NPIPA5: variants seen among roughly 807,000 people sequenced by gnomAD.
The protein encoded by NPIPA5 is nuclear pore complex-interacting protein family member A5.
NPIPA5 carries 6 observed loss-of-function variants against 21.4 expected under a neutral mutation model. The observed-to-expected ratio is 0.28, with a 90% CI of 0.15 to 0.55. The LOEUF is 0.55. NPIPA5 is among the 20% of genes least tolerant of loss of function. NPIPA5 has a pLI of 0.93. For synonymous variants in NPIPA5, 33 were observed against 115.3 expected (o/e 0.29, Z 4.57); for missense variants, 99 against 318.2 (o/e 0.31, Z 5.24).
intron 2 of NPIPA5, among the ~76,000 whole-genome samples, chr16:15,372,502 A>G (rs1184994805): frequency 6.8e-6 from 1 of 146,260 alleles, no homozygotes; most frequent in Admixed American, 7.2e-5. Context: ...GAAAAGAAAA[A>G]AAAAAAAAGC....
chr16:15,372,210 ACGTGGT>A (rs2050174528), intron 2 of NPIPA5, among the ~76,000 whole-genome samples: 1 of 147,276 alleles, frequency 6.8e-6, no homozygotes, highest in South Asian at 2.2e-4. Flanking sequence ...CCCCTGGCTC[ACGTGGT>A]GGCTCACGCT....
Position 15,365,925 on chromosome 16 carries a change from C to T in NPIPA5, c.546-291G>A, listed in dbSNP as rs1215238052. On this transcript the variant is annotated intron_variant, in intron 5 of 7. Transcript: ENST00000360151. Reference sequence around the variant, plus strand: ...TCTACTAAAAATACAAAAAATTAGGCGGGGGTGGTGGCAGGCACCTGTAAT... The same window carrying T: ...TCTACTAAAAATACAAAAAATTAGGTGGGGGTGGTGGCAGGCACCTGTAAT... Among the ~76,000 whole-genome samples, 5 of 52,672 alleles carry T rather than the reference C, an allele frequency of 9.5e-5. 2 individuals carry two copies. The highest frequency in any genetic ancestry group is 1.8e-4 in the Non-Finnish European group (4 of 22,638). 34.6% of individuals were successfully genotyped at this position (52,672 alleles called of 152,430 possible).
chr16:15,372,446 T>A (rs1378753965), intron 2 of NPIPA5, among the ~76,000 whole-genome samples: 1 of 146,288 alleles, frequency 6.8e-6, no homozygotes, highest in East Asian at 2.0e-4. Context: ...GATCACACCA[T>A]TATACTCCAG....
chr16:15,372,511 G>A (rs1467222998), intron 2 of NPIPA5, among the ~76,000 whole-genome samples: 8 of 141,412 alleles, frequency 5.7e-5, no homozygotes, highest in African/African-American at 1.4e-4. Context: ...AAAAAAAAAA[G>A]CTTCCTCCAA....
rs868000988 is a variant in NPIPA5 at position 15,377,099 on chromosome 16, G to A, written c.63+1133C>T. 7.2e-3 allele frequency among the ~76,000 whole-genome samples: 1,093 copies of A among 152,046 alleles called. 6 individuals are homozygous for A. Among genetic ancestry groups the A allele is most frequent in the Non-Finnish European group, 9.1e-3 (616 of 67,968 alleles). ...CGGGGCCATCTCGGCTCACTGCAAC[G>A]TCCAGCTCCTGGGCCCAAGCGATCC... On this transcript the variant is annotated intron_variant, in intron 1 of 7. Transcript: ENST00000360151.
intron 1 of NPIPA5, among the ~76,000 whole-genome samples, chr16:15,376,935 C>T (rs1343183348): frequency 1.3e-5 from 2 of 152,118 alleles, no homozygotes; most frequent in African/African-American, 2.4e-5. Flanking sequence ...GATCTTGCCA[C>T]TGCACTCCAG....
chr16:15,377,630 GGGGGA>G (rs1164543076), intron 1 of NPIPA5, among the ~76,000 whole-genome samples: 2 of 126,190 alleles, frequency 1.6e-5, no homozygotes, highest in Non-Finnish European at 3.4e-5. Context: ...GAGTTGGGGA[GGGGGA>G]GGGGAGGGGG....
chr16:15,370,919 C>T (rs1468571416), intron 2 of NPIPA5, among the ~76,000 whole-genome samples: 4 of 138,710 alleles, frequency 2.9e-5, no homozygotes, highest in East Asian at 2.2e-4. Context: ...TGGTGGCGCA[C>T]GCCTGTAGTC....
At chr16:15,375,315 G>T (rs1213099546) in intron 1 of NPIPA5, among the ~76,000 whole-genome samples, 52 of 142,874 alleles carry the variant, frequency 3.6e-4, no homozygotes, top group African/African-American at 1.2e-3. Context: ...CATGGTAAAA[G>T]AATCCCTCTA....
chr16:15,369,246 A>T (rs991086792), intron 4 of NPIPA5, among the ~76,000 whole-genome samples: 7 of 149,150 alleles, frequency 4.7e-5, no homozygotes, highest in Non-Finnish European at 8.9e-5. Context: ...ACCTGAGGTC[A>T]GAAGTTCGAG....
upstream of NPIPA5, among the ~76,000 whole-genome samples, chr16:15,380,319 G>C (rs1336984544): frequency 1.3e-5 from 2 of 150,100 alleles, no homozygotes; most frequent in Admixed American, 6.7e-5. Context: ...TTCAAATTTT[G>C]CAGGATAATT....
intron 2 of NPIPA5, among the ~76,000 whole-genome samples, chr16:15,370,422 T>TCACA (rs576379543): frequency 0.021 from 2,426 of 118,244 alleles, 54 homozygotes; most frequent in African/African-American, 0.048. Context: ...TGAGACTCTG[T>TCACA]CACACACACA....
chr16:15,369,138 C>G (rs1460187386), intron 4 of NPIPA5, among the ~76,000 whole-genome samples: 2 of 144,806 alleles, frequency 1.4e-5, no homozygotes, highest in African/African-American at 5.1e-5. Flanking sequence ...GGCGACAGAG[C>G]GAGACTCTAT....
intron 1 of NPIPA5, among the ~76,000 whole-genome samples, chr16:15,377,826 A>C (rs2050348785): frequency 6.6e-6 from 1 of 151,038 alleles, no homozygotes; most frequent in African/African-American, 2.4e-5. Context: ...GGGAAGCAAC[A>C]GGACAGGCGG....
upstream of NPIPA5, among the ~76,000 whole-genome samples, chr16:15,380,056 C>A (rs2050401102): frequency 6.6e-6 from 1 of 151,078 alleles, no homozygotes; most frequent in South Asian, 2.1e-4. Flanking sequence ...TTGAGATTAT[C>A]ATTTTAAAAG....
upstream of NPIPA5, among the ~76,000 whole-genome samples, chr16:15,380,520 G>A (rs1456662760): frequency 6.6e-6 from 1 of 151,836 alleles, no homozygotes; most frequent in Non-Finnish European, 1.5e-5. Context: ...ACGAGGTTTT[G>A]CCATATTGGT....
intron 1 of NPIPA5, among the ~76,000 whole-genome samples, chr16:15,377,762 ATTAAGTTC>A (rs1424975368): frequency 2.0e-5 from 3 of 148,018 alleles, no homozygotes; most frequent in African/African-American, 7.4e-5. Context: ...TCCGGTTCAA[ATTAAGTTC>A]TCAAGCGCTG....
At chr16:15,368,576 A>C (rs1472439460) in intron 4 of NPIPA5, among the ~76,000 whole-genome samples, 3 of 150,602 alleles carry the variant, frequency 2.0e-5, no homozygotes, top group East Asian at 3.9e-4. Context: ...TGAATTCAAC[A>C]ATCCAGGCTG....
chr16:15,370,452 A>AG (rs1342113598), intron 2 of NPIPA5, among the ~76,000 whole-genome samples: 2 of 140,042 alleles, frequency 1.4e-5, no homozygotes, highest in Non-Finnish European at 3.1e-5. Context: ...ACACACACAA[A>AG]CACACAAGAA....
Sources: gnomAD v4.1 joint callset for allele counts (sites outside exome capture counted in the v4.1 genomes callset) on GRCh38, gnomAD v4.1.1 for gene constraint, MANE v1.5 for transcripts, NCBI Gene and HGNC (gene_info 2026-07-23, HGNC 2026-07-21) for gene names.